HTR7: variants seen among roughly 807,000 people sequenced by gnomAD.
HTR7 encodes the protein 5-HT-7.
A neutral mutation model predicts 34.0 loss-of-function variants in HTR7; 16 were observed. The ratio of observed to expected loss-of-function variants is 0.47; its 90% CI spans 0.32 to 0.71. HTR7 has a LOEUF of 0.71. Ranked by LOEUF, HTR7 falls within the 30% of genes least tolerant of loss-of-function variation. HTR7 has a pLI of 0.04. For missense variants in HTR7, 504 were observed against 625.5 expected, an observed-to-expected ratio of 0.81 and a Z score of 2.07; for synonymous variants, 265 against 260.2, an observed-to-expected ratio of 1.02 and a Z score of -0.18.
intron 1 of HTR7, among the ~76,000 whole-genome samples, chr10:90,821,124 A>ACACATG (rs1421814688): frequency 2.5e-5 from 3 of 120,412 alleles, no homozygotes; most frequent in East Asian, 2.5e-4. Context: ...ACACAAACAC[A>ACACATG]CACACACATG....
At chr10:90,840,177 T>TCTCTCTCA (rs1478516123) in intron 1 of HTR7, among the ~76,000 whole-genome samples, 3 of 136,884 alleles carry the variant, frequency 2.2e-5, no homozygotes, top group East Asian at 2.1e-4. Flanking sequence ...TCTCTCTCTC[T>TCTCTCTCA]CACACACACA....
chr10:90,827,196 G>A (rs1475218922), intron 1 of HTR7, among the ~76,000 whole-genome samples: 1 of 152,046 alleles, frequency 6.6e-6, no homozygotes, highest in Non-Finnish European at 1.5e-5. Context: ...GCTGAAGTAA[G>A]TCCTTACTTA....
At chr10:90,800,236 C>T (rs1462342237) in intron 1 of HTR7, among the ~76,000 whole-genome samples, 1 of 152,142 alleles carries the variant, frequency 6.6e-6, no homozygotes, top group Non-Finnish European at 1.5e-5. Flanking sequence ...AAAGTTTGGC[C>T]GTTTTCTTAG....
chr10:90,855,782 G>T (rs1846570083), intron 1 of HTR7, among the ~76,000 whole-genome samples: 1 of 152,162 alleles, frequency 6.6e-6, no homozygotes, highest in African/African-American at 2.4e-5. Flanking sequence ...TTCCTTGTTT[G>T]CTGTCAGCAG....
At chr10:90,762,497 T>C (rs1844956816) in intron 1 of HTR7, among the ~76,000 whole-genome samples, 1 of 152,192 alleles carries the variant, frequency 6.6e-6, no homozygotes, top group Non-Finnish European at 1.5e-5. Flanking sequence ...GTTTTTGTTG[T>C]TGAGTGATAT....
At chr10:90,780,277 T>C (rs1297481818) in intron 1 of HTR7, among the ~76,000 whole-genome samples, 3 of 151,936 alleles carry the variant, frequency 2.0e-5, no homozygotes, top group African/African-American at 4.9e-5. Context: ...GGCTCATGCC[T>C]GTAATCCCAG....
At chr10:90,779,727 T>A (rs79083695) in intron 1 of HTR7, among the ~76,000 whole-genome samples, 2,600 of 152,266 alleles carry the variant, frequency 0.017, 86 homozygotes, top group African/African-American at 0.058. Flanking sequence ...AAAACATTTG[T>A]CATTTCTCCT....
chr10:90,794,550 G>T (rs1845509166), intron 1 of HTR7, among the ~76,000 whole-genome samples: 1 of 152,116 alleles, frequency 6.6e-6, no homozygotes, highest in African/African-American at 2.4e-5. Flanking sequence ...CTGGAGTGCA[G>T]TGGTGCAGTC....
chr10:90,820,781 T>C (rs561799818), intron 1 of HTR7, among the ~76,000 whole-genome samples: 164 of 152,354 alleles, frequency 1.1e-3, no homozygotes, highest in African/African-American at 3.8e-3. Context: ...AGGTACTAAA[T>C]GTATATTGCT....
At chr10:90,765,173 T>C (rs1030119422) in intron 1 of HTR7, among the ~76,000 whole-genome samples, 2 of 152,160 alleles carry the variant, frequency 1.3e-5, no homozygotes, top group Admixed American at 1.3e-4. Context: ...CTTTAGTTTG[T>C]TGGGAGGTTT....
chr10:90,837,408 C>A (rs1183786647), intron 1 of HTR7, among the ~76,000 whole-genome samples: 1 of 152,184 alleles, frequency 6.6e-6, no homozygotes, highest in African/African-American at 2.4e-5. Context: ...GTGTTGGAAA[C>A]TTAATCCCTC....
chr10:90,815,886 G>C (rs533929794), intron 1 of HTR7, among the ~76,000 whole-genome samples: 1 of 152,290 alleles, frequency 6.6e-6, no homozygotes, highest in South Asian at 2.1e-4. Context: ...AAGTCTGTGA[G>C]CACTTCCCAA....
chr10:90,828,001 A>C (rs1018218687), intron 1 of HTR7, among the ~76,000 whole-genome samples: 3 of 152,236 alleles, frequency 2.0e-5, no homozygotes, highest in African/African-American at 7.2e-5. Flanking sequence ...AAAAAACTGA[A>C]AGAATAAGTA....
intron 1 of HTR7, among the ~76,000 whole-genome samples, chr10:90,842,644 T>C (rs1846347281): frequency 6.6e-6 from 1 of 152,134 alleles, no homozygotes; most frequent in Admixed American, 6.5e-5. Flanking sequence ...TACTTGGGTA[T>C]TGCCTTCATG....
Position 90,742,400 on chromosome 10 carries a change from C to A in HTR7, c.*82G>T. The A allele has an allele frequency of 1.8e-5, 19 of 1,051,388 alleles. No homozygotes were observed. Among genetic ancestry groups the A allele is most frequent in the Non-Finnish European group, 2.7e-5 (19 of 691,800 alleles). 65.1% of individuals were successfully genotyped at this position (1,051,388 alleles called of 1,614,324 possible). ...CCCAAGAAAGGACAGAAGCTGCATT[C>A]CATTCTGCAGACTCAGCAAATGACT... On this transcript the variant is annotated 3_prime_UTR_variant, in exon 4 of 4. Transcript: ENST00000336152.
At chr10:90,808,325 G>A (rs1315961094) in intron 1 of HTR7, among the ~76,000 whole-genome samples, 1 of 151,962 alleles carries the variant, frequency 6.6e-6, no homozygotes, top group Non-Finnish European at 1.5e-5. Context: ...TAGAGGAGGG[G>A]CAAGTACCCC....
At chr10:90,755,291 T>A (rs1844818662) in intron 1 of HTR7, among the ~76,000 whole-genome samples, 1 of 152,200 alleles carries the variant, frequency 6.6e-6, no homozygotes, top group Non-Finnish European at 1.5e-5. Flanking sequence ...ATATGTGTGG[T>A]CTTTATATTT....
chr10:90,845,342 A>T, intron 1 of HTR7, among the ~76,000 whole-genome samples: 1 of 152,184 alleles, frequency 6.6e-6, no homozygotes. Flanking sequence ...ATGCTATCCT[A>T]ACAATATCCT....
intron 1 of HTR7, among the ~76,000 whole-genome samples, chr10:90,856,675 C>T (rs1357754732): frequency 2.0e-5 from 3 of 152,178 alleles, no homozygotes; most frequent in African/African-American, 7.2e-5. Flanking sequence ...AATTCTAGAA[C>T]CATCCAAGGT....
Sources: gnomAD v4.1 joint callset for allele counts (sites outside exome capture counted in the v4.1 genomes callset) on GRCh38, gnomAD v4.1.1 for gene constraint, MANE v1.5 for transcripts, NCBI Gene and HGNC (gene_info 2026-07-23, HGNC 2026-07-21) for gene names.